The following RPTOR variants were observed in gnomAD, a reference collection of about 807,000 sequenced individuals.
RPTOR encodes the protein regulatory associated protein of MTOR complex 1.
RPTOR carries 21 observed loss-of-function variants against 169.9 expected under a neutral mutation model. That is an observed-to-expected ratio of 0.12 (90% CI 0.09 to 0.18). RPTOR has a LOEUF of 0.18. Among genes scored for constraint, RPTOR ranks in the 10% least tolerant of loss-of-function variants. The pLI, the probability that RPTOR is intolerant of heterozygous loss-of-function variation, is 1.00. For synonymous variants in RPTOR, 732 were observed against 753.2 expected (o/e 0.97, Z 0.46); for missense variants, 1,133 against 1,855.9 (o/e 0.61, Z 7.16).
chr17:80,669,713 G>A (rs1442336455), intron 3 of RPTOR, among the ~76,000 whole-genome samples: 1 of 152,206 alleles, frequency 6.6e-6, no homozygotes, highest in South Asian at 2.1e-4. Flanking sequence ...GCCTTGTTAT[G>A]TTTCTCCCCT....
At chr17:80,564,617 T>C (rs1183756388) in intron 1 of RPTOR, among the ~76,000 whole-genome samples, 1 of 151,982 alleles carries the variant, frequency 6.6e-6, no homozygotes, top group Admixed American at 6.6e-5. Context: ...GCTTTTTTTT[T>C]TTTTCCGGAT....
At chr17:80,824,011 G>T (rs555973957) in intron 9 of RPTOR, among the ~76,000 whole-genome samples, 1 of 152,310 alleles carries the variant, frequency 6.6e-6, no homozygotes, top group Admixed American at 6.5e-5. Context: ...TCATGGCCAG[G>T]TTTATTTTAG....
At chr17:80,786,911 C>T (rs1417392171) in intron 6 of RPTOR, among the ~76,000 whole-genome samples, 1 of 152,208 alleles carries the variant, frequency 6.6e-6, no homozygotes, top group African/African-American at 2.4e-5. Context: ...TCATGCCACA[C>T]TCATCACTAG....
At chr17:80,759,195 A>G (rs2066710566) in intron 6 of RPTOR, among the ~76,000 whole-genome samples, 1 of 152,052 alleles carries the variant, frequency 6.6e-6, no homozygotes, top group Non-Finnish European at 1.5e-5. Flanking sequence ...TCTGTAAAAA[A>G]AAGTAAAATA....
intron 2 of RPTOR, among the ~76,000 whole-genome samples, chr17:80,626,885 A>G (rs2065400007): frequency 1.3e-5 from 2 of 151,750 alleles, no homozygotes; most frequent in African/African-American, 2.4e-5. Context: ...AAGCATCCTC[A>G]CTGTCCATCT....
chr17:80,813,255 G>C (rs1333722448), intron 7 of RPTOR, among the ~76,000 whole-genome samples: 1 of 152,230 alleles, frequency 6.6e-6, no homozygotes, highest in Non-Finnish European at 1.5e-5. Context: ...TAAATAAAGA[G>C]AGGCTGGACG....
intron 1 of RPTOR, among the ~76,000 whole-genome samples, chr17:80,583,498 G>A (rs528425661): frequency 6.6e-6 from 1 of 152,274 alleles, no homozygotes; most frequent in Admixed American, 6.5e-5. Flanking sequence ...GCTGTTCACT[G>A]CCTCTTTCTG....
At chr17:80,880,248 C>G (rs1217883981) in intron 13 of RPTOR, among the ~76,000 whole-genome samples, 167 bp from the exon 14 acceptor site, 1 of 152,208 alleles carries the variant, frequency 6.6e-6, no homozygotes, top group African/African-American at 2.4e-5. Flanking sequence ...GAAAGCATGT[C>G]TGCAGGCACC....
chr17:80,774,621 T>C (rs1446370680), intron 6 of RPTOR, among the ~76,000 whole-genome samples: 1 of 152,218 alleles, frequency 6.6e-6, no homozygotes, highest in Non-Finnish European at 1.5e-5. Flanking sequence ...TTATTACATG[T>C]TATCACTTTA....
intron 6 of RPTOR, among the ~76,000 whole-genome samples, chr17:80,780,773 C>A (rs1399222253): frequency 6.6e-6 from 1 of 152,038 alleles, no homozygotes; most frequent in Admixed American, 6.5e-5. Context: ...CCCTCACCCT[C>A]CCCCCGGGGG....
intron 28 of RPTOR, among the ~76,000 whole-genome samples, chr17:80,949,870 T>C (rs1365034527): frequency 6.6e-6 from 1 of 152,240 alleles, no homozygotes; most frequent in African/African-American, 2.4e-5. Flanking sequence ...AGGGCCCGCA[T>C]CACGGGGTCC....
chr17:80,833,087 A>AT (rs1420081562), intron 9 of RPTOR, among the ~76,000 whole-genome samples: 3 of 117,402 alleles, frequency 2.6e-5, no homozygotes, highest in African/African-American at 1.1e-4. Context: ...CTGCGGTAAT[A>AT]ACCCGTGCTT....
chr17:80,648,517 A>G (rs1184321359), intron 3 of RPTOR, among the ~76,000 whole-genome samples: 3 of 151,962 alleles, frequency 2.0e-5, no homozygotes, highest in African/African-American at 7.3e-5. Context: ...CTTGGTATTG[A>G]GTGCTCACAC....
chr17:80,728,446 G>GGTGT (rs71367012), intron 4 of RPTOR, among the ~76,000 whole-genome samples: 4,814 of 148,242 alleles, frequency 0.032, 233 homozygotes, highest in African/African-American at 0.11. Context: ...TCCACTCTGG[G>GGTGT]GTGTGTGTGT....
intron 24 of RPTOR, among the ~76,000 whole-genome samples, chr17:80,929,643 C>G (rs1366460139): frequency 6.6e-6 from 1 of 152,132 alleles, no homozygotes; most frequent in Non-Finnish European, 1.5e-5. Context: ...AGGGTGGATG[C>G]GGAAGCTGCA....
At chr17:80,800,193 G>A (rs1419647950) in intron 7 of RPTOR, among the ~76,000 whole-genome samples, 1 of 152,192 alleles carries the variant, frequency 6.6e-6, no homozygotes, top group Admixed American at 6.5e-5. Flanking sequence ...TCATGGCATA[G>A]CGTCCCTGCT....
intron 9 of RPTOR, among the ~76,000 whole-genome samples, chr17:80,830,657 G>T (rs567329110): frequency 1.3e-5 from 2 of 152,366 alleles, no homozygotes; most frequent in African/African-American, 4.8e-5. Context: ...TGCTCCAGTG[G>T]CTTCGAAAGG....
chr17:80,696,352 A>G (rs2066036340), intron 3 of RPTOR, among the ~76,000 whole-genome samples: 1 of 152,262 alleles, frequency 6.6e-6, no homozygotes, highest in Non-Finnish European at 1.5e-5. Context: ...TGTACTGCAC[A>G]GCCTCTTGCC....
At chr17:80,801,949 G>A (rs1048373504) in intron 7 of RPTOR, 6 of 152,180 alleles carry the variant, frequency 3.9e-5, no homozygotes, top group South Asian at 2.1e-4. Flanking sequence ...CCTTATGCCC[G>A]GGCGCCTCTC....
Sources: gnomAD v4.1 joint callset for allele counts (sites outside exome capture counted in the v4.1 genomes callset) on GRCh38, gnomAD v4.1.1 for gene constraint, MANE v1.5 for transcripts, NCBI Gene and HGNC (gene_info 2026-07-23, HGNC 2026-07-21) for gene names.